Variants in PLEKHG4B observed in about 807,000 individuals in gnomAD.
PLEKHG4B encodes pleckstrin homology and RhoGEF domain containing G4B.
Under a neutral mutation model 121.3 loss-of-function variants are expected in PLEKHG4B, and 111 were observed. That is an observed-to-expected ratio of 0.92 (90% confidence interval 0.78 to 1.07). The LOEUF is 1.07. PLEKHG4B is among the 50% of genes least tolerant of loss of function. The pLI is 0.00. For missense variants in PLEKHG4B, 1,831 were observed against 1,757.8 expected, an observed-to-expected ratio of 1.04 and a Z score of -0.74; for synonymous variants, 738 against 725.0, an observed-to-expected ratio of 1.02 and a Z score of -0.29.
intron 1 of PLEKHG4B, among the ~76,000 whole-genome samples, chr5:104,101 GCCAGT>G (rs1733903333): frequency 2.9e-4 from 33 of 112,598 alleles, no homozygotes; most frequent in African/African-American, 1.4e-3. Flanking sequence ...AACAACCACA[GCCAGT>G]CCCAGCACCG....
At chr5:176,313 G>A (rs1301300351) in intron 18 of PLEKHG4B, among the ~76,000 whole-genome samples, 1 of 152,076 alleles carries the variant, frequency 6.6e-6, no homozygotes, top group Non-Finnish European at 1.5e-5. Context: ...CCTGACTGTA[G>A]TGCACAAAGT....
rs759410092 is a variant in PLEKHG4B, at chr5:182,194, C to T, written c.4755C>T (p.Ser1585=). The change falls in exon 20 of 20, where the codon AGC becomes AGT. Residue 1585 remains serine, a synonymous_variant. Coordinates refer to ENST00000637938, the MANE Select transcript of PLEKHG4B (RefSeq NM_052909.5). ...CGGGCCTATGGAGCCCTGCCCACAG[C>T]CCCTGGTCATCTGATATCAGAGCCT... ...AHPGLWSPAH[S]PWSSDIRACV... is the part of the protein sequence containing the mutation. 1.1e-5 allele frequency: 17 copies of T among 1,613,840 alleles called. No individual in the cohort carries two copies. The African/African-American group carries it at 1.2e-4, about 11-fold the overall frequency.
intron 12 of PLEKHG4B, 23 bp downstream of exon 12, chr5:161,967 G>C (rs774919739): frequency 6.3e-7 from 1 of 1,590,184 alleles, no homozygotes; most frequent in Non-Finnish European, 8.6e-7. Flanking sequence ...GTGGGCGTGC[G>C]TCCCAGGGAT....
rs1736757923 is a variant in PLEKHG4B at position 176,279 on chromosome 5, G to GC, written c.4402+2181_4402+2182insC. Among the ~76,000 whole-genome samples the GC allele has an allele frequency of 2.2e-4, 14 of 63,860 alleles. 1 individual carries two copies. The highest frequency in any genetic ancestry group is 6.4e-4 in the South Asian group (1 of 1,554). 41.9% of individuals were successfully genotyped at this position (63,860 alleles called of 152,430 possible). A position where few individuals can be genotyped will look rare whatever the true frequency, so the allele number is the denominator to read the frequency against. On this transcript the variant is annotated intron_variant, in intron 18 of 19. Coordinates refer to ENST00000637938, the MANE Select transcript of PLEKHG4B (RefSeq NM_052909.5). The stretch of plus-strand genomic sequence containing the variant: ...CTTTTTCCTTCCTTTGTAACCCACG[G>GC]TCCTGCTTCCTGTTTGGGGTCTGCC...
intron 2 of PLEKHG4B, among the ~76,000 whole-genome samples, chr5:124,680 T>C (rs1412734363): frequency 1.3e-5 from 2 of 152,254 alleles, no homozygotes; most frequent in Non-Finnish European, 2.9e-5. Context: ...TTAATGTCTA[T>C]TTTATCTGAC....
At position 181,996 on chromosome 5, in the gene PLEKHG4B, C is replaced by T. The variant is rs753426317; in HGVS notation, c.4565-8C>T. On this transcript the variant is annotated splice_polypyrimidine_tract_variant and splice_region_variant and intron_variant, in intron 19 of 19. Transcript: ENST00000637938. ...AGCCAGCCTGACGTGCTTTCTGTCC[C>T]TTTCCAGAGTCACAAATGAGAGGGT... 4.3e-6 allele frequency: 7 copies of T among 1,612,328 alleles called. No individual in the cohort carries two copies. The highest frequency in any genetic ancestry group is 5.9e-6 in the Non-Finnish European group (7 of 1,178,498).
At position 157,287 on chromosome 5, in the gene PLEKHG4B, A is replaced by T. The variant is rs1394905596; in HGVS notation, c.2487+376A>T. On this transcript the variant is annotated intron_variant, in intron 11 of 19. Coordinates refer to ENST00000637938, the MANE Select transcript of PLEKHG4B (RefSeq NM_052909.5). This position sits in a 1 kb window ranked among gnomAD's most constrained non-coding sequence, Gnocchi z 4.6. ...AGGTGAAACCGACACAGGTAGAGAG[A>T]GTCTGGGCCAAGGTTGAGGACGGCA... is the stretch of plus-strand genomic sequence containing the variant. Among the ~76,000 whole-genome samples, 2 of 152,048 alleles carry T rather than the reference A, an allele frequency of 1.3e-5. No individual in the cohort carries two copies.
At position 154,856 on chromosome 5, in the gene PLEKHG4B, G is replaced by A. The variant is rs756307468; in HGVS notation, c.1993-19G>A. ...AGATGCATCTGGAGCCATGACCAACGAGTGCCTCTTCTTGGCAGTGTGAGG... is the reference window on the plus strand; with the variant it reads ...AGATGCATCTGGAGCCATGACCAACAAGTGCCTCTTCTTGGCAGTGTGAGG... On this transcript the variant is annotated intron_variant, in intron 7 of 19. Coordinates refer to ENST00000637938, the MANE Select transcript of PLEKHG4B (RefSeq NM_052909.5). The A allele has an allele frequency of 6.9e-6, 11 of 1,595,622 alleles. No individual in the cohort carries two copies. The highest frequency in any genetic ancestry group is 5.5e-5 in the South Asian group (5 of 90,682).
chr5:183,982 TA>T lies in PLEKHG4B; in HGVS notation c.*1660del, dbSNP rs1733520772. On this transcript the variant is annotated 3_prime_UTR_variant, in exon 20 of 20. Transcript: ENST00000637938. Reference sequence around the variant, plus strand: ...ATATATATACAGACAGATAGATAGATAGATAGATCGATAGATAGATAGATAG... The same window carrying T: ...ATATATATACAGACAGATAGATAGATGATAGATCGATAGATAGATAGATAG... 1.3e-4 allele frequency: 8 copies of T among 63,522 alleles called. No homozygotes were observed. In the South Asian group the frequency reaches 3.1e-3, roughly 25 times the overall value. 3.9% of individuals were successfully genotyped at this position (63,522 alleles called of 1,614,324 possible).
chr5:151,378 TCAGC>T (rs2126418676), intron 6 of PLEKHG4B, 131 bp from the exon 7 acceptor site: 1 of 506,502 alleles, frequency 2.0e-6, no homozygotes, highest in East Asian at 3.3e-5. Flanking sequence ...CAGGGCAAAG[TCAGC>T]CATGTTTTAT....
intron 1 of PLEKHG4B, among the ~76,000 whole-genome samples, chr5:95,506 G>A (rs1733605484): frequency 1.3e-5 from 2 of 152,156 alleles, no homozygotes; most frequent in African/African-American, 4.8e-5. Flanking sequence ...GTTTACCCGG[G>A]CAGCACTGCC....
At chr5:135,765 G>A (rs1734968067) in intron 2 of PLEKHG4B, among the ~76,000 whole-genome samples, 1 of 131,684 alleles carries the variant, frequency 7.6e-6, no homozygotes, top group Non-Finnish European at 1.6e-5. Context: ...TACAGATTCA[G>A]TGCAATCCTA....
Position 163,214 on chromosome 5 carries a change from G to C in PLEKHG4B, c.3142G>C (p.Ala1048Pro). The change falls in exon 13 of 20, where the codon GCC (alanine) becomes CCC (proline). Residue 1048 changes from alanine to proline, a missense_variant. By Grantham distance (27) the Ala-to-Pro change is conservative. Coordinates refer to ENST00000637938, the MANE Select transcript of PLEKHG4B (RefSeq NM_052909.5). The part of the protein sequence containing the change: ...SLLRGLPGAG[A>P]TTAHLEDSSA... ...CCTCAGGGGCCTTCCAGGGGCAGGG[G>C]CCACCACGGCCCACCTGGAGGACAG... is the stretch of plus-strand genomic sequence containing the variant. The C allele has an allele frequency of 6.3e-7, 1 of 1,597,206 alleles. No homozygotes were observed. The highest frequency in any genetic ancestry group is 8.5e-7 in the Non-Finnish European group (1 of 1,172,320).
At chr5:144,769 C>T (rs920051385) in intron 5 of PLEKHG4B, 58 bp from the exon 6 acceptor site, 22 of 1,469,712 alleles carry the variant, frequency 1.5e-5, no homozygotes, top group Middle Eastern at 1.7e-4. Context: ...TGGAGAAACT[C>T]GTTCTTGTAA....
chr5:174,037 C>T lies in PLEKHG4B; in HGVS notation c.4341C>T (p.Val1447=). ...TTCTCCAAGCAAGCTCGGCAGAGGT[C>T]AAGAGTGCATGGACCGATGTCATAG... ...TYILQASSAE[V]KSAWTDVIGR... Residue 1447 remains valine (V), a synonymous_variant, in exon 18 of 20, where the codon GTC becomes GTT. Coordinates refer to ENST00000637938, the MANE Select transcript of PLEKHG4B (RefSeq NM_052909.5). 1.2e-6 allele frequency: 2 copies of T among 1,604,126 alleles called. No homozygotes were observed. Among genetic ancestry groups the T allele is most frequent in the South Asian group, 2.2e-5 (2 of 89,140 alleles).
intron 1 of PLEKHG4B, among the ~76,000 whole-genome samples, chr5:111,871 C>T (rs114641786): frequency 1.7e-3 from 260 of 152,282 alleles, no homozygotes; most frequent in African/African-American, 5.7e-3. Flanking sequence ...GTGATTCTGT[C>T]CCCGGCCTGA....
chr5:148,869 A>G (rs1735513692), intron 6 of PLEKHG4B, among the ~76,000 whole-genome samples: 2 of 152,228 alleles, frequency 1.3e-5, no homozygotes, highest in South Asian at 4.1e-4. Flanking sequence ...TGGCATTAAA[A>G]CAGACGTATA....
intron 18 of PLEKHG4B, among the ~76,000 whole-genome samples, chr5:177,946 C>T (rs921882140): frequency 6.6e-6 from 1 of 151,496 alleles, no homozygotes; most frequent in East Asian, 1.9e-4. Flanking sequence ...GCATCCCCAT[C>T]TGAGGCTTCC....
rs577567742 is a variant in PLEKHG4B at position 123,137 on chromosome 5, A to G, written c.243+9689A>G. Among the ~76,000 whole-genome samples, 172 of 152,234 alleles carry G rather than the reference A, an allele frequency of 1.1e-3. 1 individual carries two copies. The highest frequency in any genetic ancestry group is 2.1e-3 in the Non-Finnish European group (140 of 68,030). On this transcript the variant is annotated intron_variant, in intron 2 of 19. Coordinates refer to ENST00000637938, the MANE Select transcript of PLEKHG4B (RefSeq NM_052909.5). ...GAAGGTCACATTGAACCACTTCACA[A>G]AATAAACTACATACTGTAGATGATT...
Sources: allele counts gnomAD v4.1 joint callset (sites outside exome capture counted in the v4.1 genomes callset), GRCh38; gene constraint gnomAD v4.1.1; non-coding constraint Gnocchi (gnomAD v3.1); transcripts MANE v1.5; gene names NCBI Gene and HGNC (gene_info 2026-07-23, HGNC 2026-07-21).